NEXMIF: variants seen among roughly 807,000 people sequenced by gnomAD.
The protein encoded by NEXMIF is neurite extension and migration factor, also known as XLMR protein related to neurite extension.
NEXMIF carries 8 observed loss-of-function variants against 62.1 expected under a neutral mutation model. The observed-to-expected ratio is 0.13, with a 90% CI of 0.08 to 0.23. The LOEUF (loss-of-function observed/expected upper bound fraction) is 0.23. Among genes scored for constraint, NEXMIF ranks in the 10% least tolerant of loss-of-function variants. The pLI, the probability that NEXMIF is intolerant of heterozygous loss-of-function variation, is 1.00. For missense variants in NEXMIF, 976 were observed against 1,113.3 expected, an observed-to-expected ratio of 0.88 and a Z score of 1.75; for synonymous variants, 404 against 416.6, an observed-to-expected ratio of 0.97 and a Z score of 0.37.
Position 74,922,337 on chromosome X carries a change from G to GGTGTGT in NEXMIF, c.-48+2540_-48+2545dup, listed in dbSNP as rs3040908. ...TTGACTTTGGCAACAGGGTGTTATG[G>GGTGTGT]GTGTGTGTGTGTGTGTGTGTGTGTG... is the stretch of plus-strand genomic sequence containing the variant. On this transcript the variant is annotated intron_variant, in intron 1 of 3. Coordinates refer to ENST00000055682, the MANE Select transcript of NEXMIF (RefSeq NM_001008537.3). Among the ~76,000 whole-genome samples the GGTGTGT allele has an allele frequency of 1.8e-4, 18 of 100,590 alleles. 1 individual carries two copies. The South Asian group carries it at 7.8e-3, about 44-fold the overall frequency. 87.4% of individuals were successfully genotyped at this position (100,590 alleles called of 115,157 possible).
intron 1 of NEXMIF, among the ~76,000 whole-genome samples, chrX:74,876,801 C>T (rs1442944324): frequency 9.6e-6 from 1 of 103,653 alleles, no homozygotes; most frequent in Admixed American, 1.1e-4. Flanking sequence ...TTATCAGAGA[C>T]TAGGATTGCA....
intron 1 of NEXMIF, among the ~76,000 whole-genome samples, chrX:74,856,781 G>C (rs1315276388): frequency 8.9e-6 from 1 of 111,981 alleles, no homozygotes; most frequent in African/African-American, 3.2e-5. Flanking sequence ...AGACAGTCTT[G>C]AACCACTGAC....
chrX:74,844,585 G>A (rs2080485422), intron 1 of NEXMIF, among the ~76,000 whole-genome samples: 1 of 111,515 alleles, frequency 9.0e-6, no homozygotes, highest in Non-Finnish European at 1.9e-5. Context: ...AGGGGGGCTA[G>A]AGAGGAGAGA....
At chrX:74,786,428 T>A (rs188935320) in intron 1 of NEXMIF, among the ~76,000 whole-genome samples, 1 of 111,232 alleles carries the variant, frequency 9.0e-6, no homozygotes, top group East Asian at 2.8e-4. Context: ...TTGGTTTTTA[T>A]CATACATGGA....
At chrX:74,755,340 A>G (rs1202774139) in intron 1 of NEXMIF, among the ~76,000 whole-genome samples, 1 of 112,018 alleles carries the variant, frequency 8.9e-6, no homozygotes, top group Non-Finnish European at 1.9e-5. Context: ...GCCTCAAAGC[A>G]CTTACAATCT....
At chrX:74,806,838 G>T (rs922539984) in intron 1 of NEXMIF, among the ~76,000 whole-genome samples, 4 of 112,563 alleles carry the variant, frequency 3.6e-5, no homozygotes, top group Non-Finnish European at 5.6e-5. Context: ...TTTCCTTATT[G>T]CATTGCCTTT....
At position 74,765,185 on chromosome X, in the gene NEXMIF, T is replaced by C. The variant is rs187839251; in HGVS notation, c.-47-19488A>G. On this transcript the variant is annotated intron_variant, in intron 1 of 3. Transcript: ENST00000055682. ...CTTTGTACCATTATGTAATGCCCTT[T>C]TTAGTCTTTTTAAAAGTCTGTGTTG... 2.7e-5 allele frequency among the ~76,000 whole-genome samples: 3 copies of C among 111,523 alleles called. No homozygotes were observed. The Admixed American group carries it at 2.9e-4, about 11-fold the overall frequency.
intron 1 of NEXMIF, among the ~76,000 whole-genome samples, chrX:74,851,690 G>T (rs1037132475): frequency 1.8e-5 from 2 of 111,532 alleles, no homozygotes; most frequent in African/African-American, 6.5e-5. Context: ...AAAGCTGAGG[G>T]AATTCATCAG....
At chrX:74,783,637 C>T (rs2147460256) in intron 1 of NEXMIF, among the ~76,000 whole-genome samples, 1 of 111,746 alleles carries the variant, frequency 8.9e-6, no homozygotes, top group Non-Finnish European at 1.9e-5. Context: ...GACAAATGAG[C>T]CAGCTCTAGC....
intron 1 of NEXMIF, among the ~76,000 whole-genome samples, chrX:74,851,064 T>C (rs1024672833): frequency 9.2e-6 from 1 of 109,066 alleles, no homozygotes; most frequent in Admixed American, 9.8e-5. Context: ...AAGAATTCAC[T>C]GAATGAAAAA....
At chrX:74,763,895 C>T (rs866098787) in intron 1 of NEXMIF, among the ~76,000 whole-genome samples, 6 of 111,944 alleles carry the variant, frequency 5.4e-5, no homozygotes, top group Middle Eastern at 4.7e-3. Context: ...TGTAGATATA[C>T]AATCATGTCA....
intron 1 of NEXMIF, among the ~76,000 whole-genome samples, chrX:74,782,867 G>A (rs1476788986): frequency 8.9e-6 from 1 of 111,930 alleles, no homozygotes; most frequent in Non-Finnish European, 1.9e-5. Flanking sequence ...TAAGATAGCA[G>A]TACAGGACTA....
At chrX:74,867,969 A>C (rs888755474) in intron 1 of NEXMIF, among the ~76,000 whole-genome samples, 1 of 112,020 alleles carries the variant, frequency 8.9e-6, no homozygotes, top group African/African-American at 3.2e-5. Context: ...AAGTGGGCAA[A>C]GAACATGGAC....
At chrX:74,889,776 G>A (rs1345866519) in intron 1 of NEXMIF, among the ~76,000 whole-genome samples, 2 of 111,404 alleles carry the variant, frequency 1.8e-5, no homozygotes, top group Non-Finnish European at 1.9e-5. Flanking sequence ...GGTCTGTTGT[G>A]CACTGAGATA....
chrX:74,847,078 T>C (rs1317951066), intron 1 of NEXMIF, among the ~76,000 whole-genome samples: 1 of 112,320 alleles, frequency 8.9e-6, no homozygotes, highest in Admixed American at 9.4e-5. Flanking sequence ...TAAAGCAAAG[T>C]GAAGGGTTTG....
chrX:74,860,789 T>A (rs2080554555), intron 1 of NEXMIF, among the ~76,000 whole-genome samples: 2 of 110,934 alleles, frequency 1.8e-5, no homozygotes, highest in Admixed American at 9.6e-5. Flanking sequence ...AGTGTGTACA[T>A]CAAAAAAGAA....
At chrX:74,807,266 A>T (rs1267759385) in intron 1 of NEXMIF, among the ~76,000 whole-genome samples, 5 of 111,354 alleles carry the variant, frequency 4.5e-5, no homozygotes, top group African/African-American at 1.6e-4. Context: ...ATATTTTGTT[A>T]GATTTATACC....
chrX:74,919,164 G>A (rs1185686785), intron 1 of NEXMIF, among the ~76,000 whole-genome samples: 2 of 111,683 alleles, frequency 1.8e-5, no homozygotes, highest in Non-Finnish European at 3.8e-5. Flanking sequence ...ATGAAAGTTA[G>A]AGCAGCCATT....
At chrX:74,924,239 C>T (rs1407441507) in intron 1 of NEXMIF, among the ~76,000 whole-genome samples, 3 of 111,646 alleles carry the variant, frequency 2.7e-5, no homozygotes, top group African/African-American at 9.8e-5. Flanking sequence ...GCGCCAGAAG[C>T]CACACAGAAA....
Sources: allele counts gnomAD v4.1 joint callset (sites outside exome capture counted in the v4.1 genomes callset), GRCh38; gene constraint gnomAD v4.1.1; transcripts MANE v1.5; gene names NCBI Gene and HGNC (gene_info 2026-07-23, HGNC 2026-07-21).